The following IRAK1BP1 variants were observed in gnomAD, a reference collection of about 807,000 sequenced individuals.
IRAK1BP1 encodes the protein interleukin-1 receptor-associated kinase 1-binding protein 1.
Under a neutral mutation model 28.0 loss-of-function variants are expected in IRAK1BP1, and 24 were observed. The ratio of observed to expected loss-of-function variants is 0.86; its 90% CI spans 0.62 to 1.20. The LOEUF (loss-of-function observed/expected upper bound fraction) is 1.20. Among genes scored for constraint, IRAK1BP1 ranks in the 50% most tolerant of loss-of-function variants. The pLI, the probability that IRAK1BP1 is intolerant of heterozygous loss-of-function variation, is 0.00. For missense variants in IRAK1BP1, 336 were observed against 316.7 expected, an observed-to-expected ratio of 1.06 and a Z score of -0.46; for synonymous variants, 131 against 116.3, an observed-to-expected ratio of 1.13 and a Z score of -0.81.
downstream of IRAK1BP1, among the ~76,000 whole-genome samples, chr6:78,951,124 G>A (rs552853001): frequency 7.2e-5 from 11 of 152,152 alleles, no homozygotes; most frequent in East Asian, 1.3e-3. Context: ...GGGCTCTTTC[G>A]TTAACAAGTC....
chr6:78,943,628 GAAT>G (rs1293039760), intron 4 of IRAK1BP1, among the ~76,000 whole-genome samples: 3 of 152,102 alleles, frequency 2.0e-5, no homozygotes, highest in Non-Finnish European at 4.4e-5. Flanking sequence ...ATGTGAAAAT[GAAT>G]AATATGATCA....
chr6:78,868,154 A>G (rs1440050936), intron 1 of IRAK1BP1, among the ~76,000 whole-genome samples: 1 of 152,218 alleles, frequency 6.6e-6, no homozygotes, highest in East Asian at 1.9e-4. Context: ...TTATCTGGGG[A>G]TATTTGCTTC....
At chr6:78,896,824 C>CA (rs36004777) in intron 2 of IRAK1BP1, among the ~76,000 whole-genome samples, 188 of 132,452 alleles carry the variant, frequency 1.4e-3, no homozygotes, top group African/African-American at 4.2e-3. Flanking sequence ...GACCCTGGCT[C>CA]AAAAAAAAAA....
At chr6:78,871,193 C>A in intron 1 of IRAK1BP1, 1 of 870,226 alleles carries the variant, frequency 1.1e-6, no homozygotes, top group Non-Finnish European at 1.4e-6. Context: ...ACCCTGATAT[C>A]TCTGCTTCCC....
chr6:78,868,839 A>G (rs770108177), intron 1 of IRAK1BP1, among the ~76,000 whole-genome samples: 2 of 152,216 alleles, frequency 1.3e-5, no homozygotes, highest in Non-Finnish European at 2.9e-5. Flanking sequence ...TTCTCATTTT[A>G]TAGAGTAGGA....
the IRAK1BP1 span, among the ~76,000 whole-genome samples, chr6:78,977,449 A>G: frequency 1.3e-5 from 2 of 152,090 alleles, no homozygotes; most frequent in African/African-American, 2.4e-5. Flanking sequence ...TGGGTGCAGC[A>G]CACCAGCATG....
downstream of IRAK1BP1, among the ~76,000 whole-genome samples, chr6:78,949,174 G>A (rs138768420): frequency 6.8e-4 from 103 of 152,052 alleles, 1 homozygote; most frequent in South Asian, 8.1e-3. Context: ...CTTTGTTCCC[G>A]GTTTTCTTAG....
the IRAK1BP1 span, among the ~76,000 whole-genome samples, chr6:78,972,088 CAA>C: frequency 6.6e-6 from 1 of 152,246 alleles, no homozygotes. Flanking sequence ...CACAGACAAA[CAA>C]AAAGACAGCA....
Position 78,901,526 on chromosome 6 carries a change from T to C in IRAK1BP1, c.*3192T>C, listed in dbSNP as rs1285465213. 6.6e-6 allele frequency: 1 copy of C among 151,352 alleles called. No homozygotes were observed. The highest frequency in any genetic ancestry group is 2.4e-5 in the African/African-American group (1 of 41,024). 9.4% of individuals were successfully genotyped at this position (151,352 alleles called of 1,614,324 possible). A position where few individuals can be genotyped will look rare whatever the true frequency, so the allele number is the denominator to read the frequency against. ...GTTAGAATTTCCTTCTTTTGAACTC[T>C]GTTTAAAAAAAAAAAAATCTTTCCA... On this transcript the variant is annotated 3_prime_UTR_variant, in exon 4 of 4. Coordinates refer to ENST00000369940, the MANE Select transcript of IRAK1BP1 (RefSeq NM_001010844.4).
chr6:78,963,307 T>C, the IRAK1BP1 span: 2 of 1,414,872 alleles, frequency 1.4e-6, no homozygotes, highest in South Asian at 2.7e-5. Flanking sequence ...AGTATTCAGG[T>C]TAGCTTTAGA....
the IRAK1BP1 span, chr6:78,955,491 T>C: frequency 1.3e-3 from 700 of 553,122 alleles, 2 homozygotes; most frequent in African/African-American, 0.01. Context: ...GTTTTTTTTT[T>C]TTAAATTAAC....
chr6:78,909,777 TCAA>T (rs1306705336), intron 4 of IRAK1BP1, among the ~76,000 whole-genome samples: 1 of 152,222 alleles, frequency 6.6e-6, no homozygotes, highest in Non-Finnish European at 1.5e-5. Flanking sequence ...ACACGCTAAA[TCAA>T]CAAATATTTA....
chr6:78,922,946 T>C (rs1041223961), intron 4 of IRAK1BP1, among the ~76,000 whole-genome samples: 28 of 152,018 alleles, frequency 1.8e-4, no homozygotes, highest in Admixed American at 4.6e-4. Flanking sequence ...AAAGGAACAA[T>C]CGGTACCAGC....
chr6:78,955,733 T>C, the IRAK1BP1 span: 3 of 665,926 alleles, frequency 4.5e-6, no homozygotes, highest in East Asian at 2.7e-5. Context: ...TGATAATTTT[T>C]TTCCTTAAAA....
At chr6:78,935,165 T>C (rs1444205322) in intron 4 of IRAK1BP1, among the ~76,000 whole-genome samples, 2 of 152,178 alleles carry the variant, frequency 1.3e-5, no homozygotes, top group Non-Finnish European at 2.9e-5. Flanking sequence ...ATACTAGGTA[T>C]TGTTATTAGC....
the IRAK1BP1 span, chr6:78,954,995 AAG>A: frequency 6.9e-7 from 1 of 1,453,824 alleles, no homozygotes; most frequent in Non-Finnish European, 9.2e-7. Context: ...ATATTAATAA[AAG>A]AGCACTTACA....
At chr6:78,959,091 T>C in the IRAK1BP1 span, among the ~76,000 whole-genome samples, 1 of 152,256 alleles carries the variant, frequency 6.6e-6, no homozygotes, top group East Asian at 1.9e-4. Flanking sequence ...CATAAAAATA[T>C]AGCATGCTAG....
the IRAK1BP1 span, among the ~76,000 whole-genome samples, chr6:78,963,943 G>A: frequency 6.6e-6 from 1 of 151,060 alleles, no homozygotes; most frequent in African/African-American, 2.4e-5. Context: ...GTATGAATGT[G>A]TATCCAAATA....
rs188230465 is a variant in IRAK1BP1, at chr6:78,870,876, A to T, written c.315+2985A>T. On this transcript the variant is annotated intron_variant, in intron 1 of 3. Transcript: ENST00000369940. The stretch of plus-strand genomic sequence containing the variant: ...ACAGGCGCCTGCCACCACGCCTGGT[A>T]ATTTTTGTATGTTTAGTAGAGATGG... Among the ~76,000 whole-genome samples the T allele has an allele frequency of 5.5e-3, 842 of 151,934 alleles. 6 individuals carry two copies. Among genetic ancestry groups the T allele is most frequent in the African/African-American group, 0.02 (815 of 41,420 alleles).
Sources: gnomAD v4.1 joint callset for allele counts (sites outside exome capture counted in the v4.1 genomes callset) on GRCh38, gnomAD v4.1.1 for gene constraint, MANE v1.5 for transcripts, NCBI Gene and HGNC (gene_info 2026-07-23, HGNC 2026-07-21) for gene names.